PIAS4: variants seen among roughly 807,000 people sequenced by gnomAD.
The protein encoded by PIAS4 is protein inhibitor of activated STAT 4, also known as E3 SUMO-protein ligase PIAS4.
A neutral mutation model predicts 58.0 loss-of-function variants in PIAS4; 7 were observed. The observed-to-expected ratio is 0.12, with a 90% confidence interval of 0.07 to 0.23. PIAS4 has a LOEUF of 0.23. Ranked by LOEUF, PIAS4 falls within the 10% of genes least tolerant of loss-of-function variation. PIAS4 has a pLI of 1.00. For missense variants in PIAS4, 550 were observed against 709.5 expected, an observed-to-expected ratio of 0.78 and a Z score of 2.55; for synonymous variants, 364 against 312.4, an observed-to-expected ratio of 1.17 and a Z score of -1.74.
At position 4,013,515 on chromosome 19, in the gene PIAS4, C is replaced by G. The variant is rs1016313891; in HGVS notation, c.454+166C>G. On this transcript the variant is annotated intron_variant, in intron 2 of 10. Coordinates refer to ENST00000262971, the MANE Select transcript of PIAS4 (RefSeq NM_015897.4). This position sits in a 1 kb window ranked among gnomAD's most constrained non-coding sequence, Gnocchi z 5.1. ...CCTTCCTCGGAAGCAAAGGGACCAT[C>G]TTTGATATTGGTCACCCCTTGCTGT... Among the ~76,000 whole-genome samples the G allele has an allele frequency of 1.3e-5, 2 of 152,184 alleles. No homozygotes were observed. Among genetic ancestry groups the G allele is most frequent in the African/African-American group, 2.4e-5 (1 of 41,446 alleles).
In PIAS4 at chr19:4,013,742, C is replaced by G. The variant is rs1046984761; in HGVS notation, c.454+393C>G. 2.0e-5 allele frequency among the ~76,000 whole-genome samples: 3 copies of G among 152,214 alleles called. No individual in the cohort carries two copies. Among genetic ancestry groups the G allele is most frequent in the Non-Finnish European group, 2.9e-5 (2 of 68,026 alleles). On this transcript the variant is annotated intron_variant, in intron 2 of 10. Coordinates refer to ENST00000262971, the MANE Select transcript of PIAS4 (RefSeq NM_015897.4). The surrounding 1 kb of genome is among the most constrained non-coding windows in gnomAD (Gnocchi z 5.1). The stretch of plus-strand genomic sequence containing the variant: ...GTGGCTGGCAGGCCTCAGCTCCTCG[C>G]CAGCTCTTGGCCACAGTCCCCAGGT...
intron 3 of PIAS4, among the ~76,000 whole-genome samples, chr19:4,025,117 C>T (rs1301054251): frequency 2.0e-5 from 3 of 152,214 alleles, no homozygotes; most frequent in Non-Finnish European, 4.4e-5. Context: ...CCCCTCCATA[C>T]CGTGGATAGT....
At chr19:4,024,337 C>T (rs565424001) in intron 3 of PIAS4, among the ~76,000 whole-genome samples, 1 of 152,246 alleles carries the variant, frequency 6.6e-6, no homozygotes, top group African/African-American at 2.4e-5. Flanking sequence ...TGCCCTGCAG[C>T]CTGCTAGAGA....
intron 2 of PIAS4, among the ~76,000 whole-genome samples, chr19:4,017,512 C>G (rs1033791430): frequency 2.6e-5 from 4 of 152,220 alleles, no homozygotes; most frequent in Admixed American, 6.5e-5. Context: ...ACTGTGCTGC[C>G]TCTACTCTTG....
chr19:4,035,045 C>T (rs917670967), intron 9 of PIAS4, among the ~76,000 whole-genome samples: 5 of 152,156 alleles, frequency 3.3e-5, no homozygotes, highest in African/African-American at 7.2e-5. Flanking sequence ...TGGGGTGGGG[C>T]TTTGGAGGGT....
chr19:4,023,719 C>T (rs1250522297), intron 2 of PIAS4, among the ~76,000 whole-genome samples: 1 of 152,238 alleles, frequency 6.6e-6, no homozygotes, highest in Non-Finnish European at 1.5e-5. Flanking sequence ...CTGGGTCCAG[C>T]TCTCCCCGCC....
Position 4,037,752 on chromosome 19 carries a change from G to A in PIAS4, c.1410G>A (p.Leu470=), listed in dbSNP as rs1213102357. Residue 470 remains leucine (L), a synonymous_variant, in exon 11 of 11, where the codon CTG becomes CTA. Coordinates refer to ENST00000262971, the MANE Select transcript of PIAS4 (RefSeq NM_015897.4). The surrounding 1 kb of genome is among the most constrained non-coding windows in gnomAD (Gnocchi z 5.8). ...GCGCCGATGTGGTGGACCTCACGCT[G>A]GACAGCTCATCGTCCTCGGAGGATG... ...KPGADVVDLT[L]DSSSSSEDEE... is the part of the protein sequence containing the mutation. The A allele has an allele frequency of 3.1e-6, 5 of 1,609,992 alleles. No individual in the cohort carries two copies. Among genetic ancestry groups the A allele is most frequent in the Non-Finnish European group, 4.2e-6 (5 of 1,178,786 alleles).
chr19:4,021,630 TAAG>T (rs2040109900), intron 2 of PIAS4, among the ~76,000 whole-genome samples: 2 of 152,158 alleles, frequency 1.3e-5, no homozygotes, highest in South Asian at 2.1e-4. Flanking sequence ...CCTTGTAAAA[TAAG>T]AAGTATGCTT....
intron 9 of PIAS4, among the ~76,000 whole-genome samples, chr19:4,035,874 C>T (rs1175754207): frequency 5.4e-5 from 8 of 147,738 alleles, no homozygotes; most frequent in Non-Finnish European, 7.5e-5. Flanking sequence ...CACCGTCTCA[C>T]ACACACACCC....
At chr19:4,026,452 C>T (rs1020150234) in intron 3 of PIAS4, among the ~76,000 whole-genome samples, 1 of 151,392 alleles carries the variant, frequency 6.6e-6, no homozygotes, top group Non-Finnish European at 1.5e-5. Flanking sequence ...TTTCTTATGT[C>T]GAGATATGAT....
rs1431086499 is a variant in PIAS4 at position 4,039,372 on chromosome 19, G to A, written c.*1497G>A. 6.6e-6 allele frequency: 1 copy of A among 152,228 alleles called. No individual in the cohort carries two copies. Among genetic ancestry groups the A allele is most frequent in the Non-Finnish European group, 1.5e-5 (1 of 68,058 alleles). 9.4% of individuals were successfully genotyped at this position (152,228 alleles called of 1,614,324 possible). The stretch of plus-strand genomic sequence containing the variant: ...TTTTTAAAAAATGCAAATAAAAAAG[G>A]TCGAGGTGAAGCCATCCAGGCGTCC... On this transcript the variant is annotated 3_prime_UTR_variant, in exon 11 of 11. Transcript: ENST00000262971.
chr19:4,015,150 C>G (rs1194763068), intron 2 of PIAS4, among the ~76,000 whole-genome samples: 1 of 152,206 alleles, frequency 6.6e-6, no homozygotes, highest in East Asian at 1.9e-4. Flanking sequence ...AGCCTTTGCT[C>G]TCTCATGAGG....
rs368845327 is a variant in PIAS4 at position 4,028,972 on chromosome 19, A to C, written c.843A>C (p.Ser281=). The C allele has an allele frequency of 6.3e-5, 102 of 1,610,922 alleles. No individual in the cohort carries two copies. The South Asian group carries it at 1.1e-3, about 17-fold the overall frequency. ...VALYLVRQLT[S]SELLQRLKTI... ...TGTACCTGGTGCGGCAGCTGACCTC[A>C]TCGGAGCTGCTGCAGAGGCTGAAGA... The change falls in exon 7 of 11, where the codon TCA becomes TCC. Residue 281 remains serine, a synonymous_variant. Transcript: ENST00000262971.
chr19:4,018,167 T>C (rs1168676452), intron 2 of PIAS4, among the ~76,000 whole-genome samples: 2 of 152,226 alleles, frequency 1.3e-5, no homozygotes, highest in Non-Finnish European at 2.9e-5. Flanking sequence ...CTTGTACAAT[T>C]ATGCGCTTGT....
intron 1 of PIAS4, among the ~76,000 whole-genome samples, chr19:4,008,330 C>G (rs2039962641): frequency 6.6e-6 from 1 of 152,130 alleles, no homozygotes; most frequent in Non-Finnish European, 1.5e-5. Context: ...GGATAGTGTC[C>G]TGCCACCGTC....
intron 3 of PIAS4, among the ~76,000 whole-genome samples, chr19:4,027,489 T>G (rs1454665023): frequency 6.6e-6 from 1 of 152,046 alleles, no homozygotes; most frequent in Non-Finnish European, 1.5e-5. Context: ...CACGGATGCG[T>G]CTTTGGGTAG....
chr19:4,010,571 C>G (rs1453534342), intron 1 of PIAS4, among the ~76,000 whole-genome samples: 1 of 152,236 alleles, frequency 6.6e-6, no homozygotes, highest in African/African-American at 2.4e-5. Context: ...CCCAGCAGAC[C>G]ATGCAGGTCC....
At chr19:4,009,355 T>C (rs996122654) in intron 1 of PIAS4, among the ~76,000 whole-genome samples, 3 of 152,278 alleles carry the variant, frequency 2.0e-5, no homozygotes, top group African/African-American at 7.2e-5. Context: ...CCTGGAGATG[T>C]GGAGGCCTGA....
Position 4,037,351 on chromosome 19 carries a change from G to C in PIAS4, c.1143-23G>C. On this transcript the variant is annotated intron_variant, in intron 9 of 10. Coordinates refer to ENST00000262971, the MANE Select transcript of PIAS4 (RefSeq NM_015897.4). This position sits in a 1 kb window ranked among gnomAD's most constrained non-coding sequence, Gnocchi z 5.8. ...GGGGTGGGGCACCTCCAGCCCCGGC[G>C]TCAGCTGTCCGCCTCGCCCCAGGCT... 1 of 1,589,252 alleles carries C rather than the reference G, an allele frequency of 6.3e-7. No homozygotes were observed. Among genetic ancestry groups the C allele is most frequent in the Non-Finnish European group, 8.6e-7 (1 of 1,165,186 alleles).
Sources: allele counts gnomAD v4.1 joint callset (sites outside exome capture counted in the v4.1 genomes callset), GRCh38; gene constraint gnomAD v4.1.1; non-coding constraint Gnocchi (gnomAD v3.1); transcripts MANE v1.5; gene names NCBI Gene and HGNC (gene_info 2026-07-23, HGNC 2026-07-21).